The following KIRREL1 variants were observed in gnomAD, a reference collection of about 807,000 sequenced individuals.
KIRREL1 encodes the protein kin of IRRE-like protein 1.
Under a neutral mutation model 83.3 loss-of-function variants are expected in KIRREL1, and 25 were observed. That is an observed-to-expected ratio of 0.30 (90% CI 0.22 to 0.42). The LOEUF is 0.42. KIRREL1 is among the 10% of genes least tolerant of loss of function. The probability of loss-of-function intolerance (pLI) is 1.00; values close to 1 mark genes in which losing one functional copy is unlikely to be tolerated. For missense variants in KIRREL1, 812 were observed against 1,032.3 expected, an observed-to-expected ratio of 0.79 and a Z score of 2.92; for synonymous variants, 388 against 410.4, an observed-to-expected ratio of 0.95 and a Z score of 0.66.
intron 1 of KIRREL1, among the ~76,000 whole-genome samples, chr1:158,060,865 G>C (rs1001407913): frequency 2.6e-5 from 4 of 152,160 alleles, no homozygotes; most frequent in Admixed American, 2.0e-4. Context: ...CTAGCCCAGA[G>C]TTTAGGGCAC....
Position 158,078,268 on chromosome 1 carries a change from C to T in KIRREL1, c.352+128C>T, listed in dbSNP as rs1399074142. ...TCTCTGTTACTGGCCTTATCCCTGC[C>T]CTAATGCTCAAGTCCAGGTAGAAGA... On this transcript the variant is annotated intron_variant, in intron 3 of 14. Transcript: ENST00000359209. 5.7e-6 allele frequency: 6 copies of T among 1,057,636 alleles called. No individual in the cohort carries two copies. In the East Asian group the frequency reaches 1.2e-4, roughly 21 times the overall value. 65.5% of individuals were successfully genotyped at this position (1,057,636 alleles called of 1,614,324 possible).
Position 158,089,502 on chromosome 1 carries a change from G to C in KIRREL1, c.1045G>C (p.Val349Leu). The C allele has an allele frequency of 1.2e-6, 2 of 1,614,134 alleles. No individual in the cohort carries two copies. Among genetic ancestry groups the C allele is most frequent in the Non-Finnish European group, 1.7e-6 (2 of 1,180,036 alleles). The change falls in exon 9 of 15, where the codon GTC becomes CTC. Residue 349 changes from valine to leucine, a missense_variant and splice_region_variant. Physicochemically the swap from Val to Leu is conservative, Grantham distance 32 (BLOSUM62 1). Coordinates refer to ENST00000359209, the MANE Select transcript of KIRREL1 (RefSeq NM_018240.7). ...LTWTKKDSNM[V>L]LSNSNQLLLK... ...ACCCGAGGCTGCTCTCTCTGCCCAG[G>C]TCCTGAGTAACAGCAACCAGCTGCT...
intron 1 of KIRREL1, among the ~76,000 whole-genome samples, chr1:158,007,964 G>A (rs928031992): frequency 4.6e-5 from 7 of 152,094 alleles, no homozygotes; most frequent in Middle Eastern, 3.2e-3. Flanking sequence ...GCTAACTCTC[G>A]ATAAAGATTC....
intron 6 of KIRREL1, 60 bp from the exon 7 acceptor site, chr1:158,087,946 A>T: frequency 6.2e-7 from 1 of 1,610,622 alleles, no homozygotes. Flanking sequence ...GCCAGGTGTC[A>T]TGGATGTAGT....
chr1:158,014,440 A>G (rs1402031331), intron 1 of KIRREL1, among the ~76,000 whole-genome samples: 2 of 152,102 alleles, frequency 1.3e-5, no homozygotes, highest in African/African-American at 2.4e-5. Flanking sequence ...ACTCCTGCCC[A>G]TTGTCCGGGA....
At chr1:158,016,229 T>A (rs7514059) in intron 1 of KIRREL1, among the ~76,000 whole-genome samples, 2 of 151,714 alleles carry the variant, frequency 1.3e-5, no homozygotes, top group Non-Finnish European at 2.9e-5. Flanking sequence ...TTGTGAACCC[T>A]GTAGGCAGAG....
chr1:158,051,271 C>T (rs1363287892), intron 1 of KIRREL1, among the ~76,000 whole-genome samples: 1 of 152,160 alleles, frequency 6.6e-6, no homozygotes, highest in Non-Finnish European at 1.5e-5. Context: ...TCTTCCTTTC[C>T]TTCCTGTGGT....
At chr1:158,042,792 G>A (rs1404639562) in intron 1 of KIRREL1, among the ~76,000 whole-genome samples, 1 of 151,800 alleles carries the variant, frequency 6.6e-6, no homozygotes, top group East Asian at 1.9e-4. Flanking sequence ...TAGCTTTGCC[G>A]GCTGGGCACG....
chr1:158,040,648 AAC>A (rs1660598793), intron 1 of KIRREL1, among the ~76,000 whole-genome samples: 1 of 152,248 alleles, frequency 6.6e-6, no homozygotes, highest in South Asian at 2.1e-4. Context: ...TTGATTTTAT[AAC>A]ACAGAGCAGT....
chr1:158,001,201 T>C (rs751181056), intron 1 of KIRREL1, among the ~76,000 whole-genome samples: 3 of 152,174 alleles, frequency 2.0e-5, no homozygotes, highest in Non-Finnish European at 4.4e-5. Flanking sequence ...GGAAGGACTT[T>C]TGTTCCTTCA....
intron 1 of KIRREL1, among the ~76,000 whole-genome samples, chr1:158,015,188 T>G (rs1445973922): frequency 6.6e-6 from 1 of 152,226 alleles, no homozygotes; most frequent in African/African-American, 2.4e-5. Flanking sequence ...TTTTGAGTCC[T>G]GCCATACCTT....
In KIRREL1 at chr1:158,096,443, C is replaced by T. The variant is rs114092836; in HGVS notation, c.*1323C>T. The T allele has an allele frequency of 5.5e-3, 2,056 of 371,038 alleles. 31 individuals carry two copies. Among genetic ancestry groups the T allele is most frequent in the African/African-American group, 0.039 (1,864 of 47,400 alleles). 23.0% of individuals were successfully genotyped at this position (371,038 alleles called of 1,614,324 possible). A position where few individuals can be genotyped will look rare whatever the true frequency, so the allele number is the denominator to read the frequency against. On this transcript the variant is annotated 3_prime_UTR_variant, in exon 15 of 15. Coordinates refer to ENST00000359209, the MANE Select transcript of KIRREL1 (RefSeq NM_018240.7). The stretch of plus-strand genomic sequence containing the variant: ...CCTTGAGTGTCAAGCTTTGGATGAC[C>T]GACCCTATGTGGGCGGTTGTGTGGG...
At chr1:158,038,585 C>A (rs1410135989) in intron 1 of KIRREL1, among the ~76,000 whole-genome samples, 1 of 149,632 alleles carries the variant, frequency 6.7e-6, no homozygotes, top group Admixed American at 6.8e-5. Context: ...TTGGCCCCCC[C>A]AAAACACTGA....
intron 1 of KIRREL1, among the ~76,000 whole-genome samples, chr1:158,026,621 C>T (rs1660180261): frequency 6.6e-6 from 1 of 152,160 alleles, no homozygotes; most frequent in Non-Finnish European, 1.5e-5. Flanking sequence ...GTGCCAGATA[C>T]CCTTAAAAGT....
intron 1 of KIRREL1, among the ~76,000 whole-genome samples, chr1:158,033,097 A>G (rs958502745): frequency 2.1e-4 from 31 of 149,852 alleles, no homozygotes; most frequent in Non-Finnish European, 3.0e-5. Context: ...TCTTTTTGAG[A>G]CGGAGTTTCG....
At position 158,078,136 on chromosome 1, in the gene KIRREL1, G is replaced by A; in HGVS notation, c.348G>A (p.Val116=). 6.2e-7 allele frequency: 1 copy of A among 1,613,922 alleles called. No homozygotes were observed. The change falls in exon 3 of 15, where the codon GTG becomes GTA. Residue 116 remains valine (V), a synonymous_variant. Transcript: ENST00000359209. ...ALRSRRAKLT[V]LIPPEDTRID... Reference sequence around the variant, plus strand: ...GCTCTCGGCGGGCCAAACTCACCGTGCTCAGTAAGGACCCCAATACCCTTC... The same window carrying A: ...GCTCTCGGCGGGCCAAACTCACCGTACTCAGTAAGGACCCCAATACCCTTC...
intron 1 of KIRREL1, among the ~76,000 whole-genome samples, chr1:158,048,131 C>T (rs5001215): frequency 0.96 from 145,920 of 152,290 alleles, 70,208 homozygotes; most frequent in Middle Eastern, 1. Flanking sequence ...CCAGCAGTCC[C>T]TGGGTTCCTC....
chr1:158,089,366 G>T, intron 8 of KIRREL1, 136 bp from the exon 9 acceptor site: 1 of 1,401,622 alleles, frequency 7.1e-7, no homozygotes, highest in East Asian at 2.3e-5. Context: ...AAATGGACTC[G>T]GGAACCCCAT....
intron 1 of KIRREL1, among the ~76,000 whole-genome samples, chr1:158,011,317 G>A (rs1002879632): frequency 1.3e-5 from 2 of 152,212 alleles, no homozygotes; most frequent in South Asian, 4.1e-4. Context: ...ACAAACCAAA[G>A]CCTCTTTCAT....
Sources: gnomAD v4.1 joint callset for allele counts (sites outside exome capture counted in the v4.1 genomes callset) on GRCh38, gnomAD v4.1.1 for gene constraint, MANE v1.5 for transcripts, NCBI Gene and HGNC (gene_info 2026-07-23, HGNC 2026-07-21) for gene names.